Variants in CENPU observed in about 807,000 individuals in gnomAD.
CENPU encodes the protein centromere protein U, also known as KSHV latent nuclear antigen interacting protein 1.
A neutral mutation model predicts 56.7 loss-of-function variants in CENPU; 46 were observed. The observed-to-expected ratio is 0.81, with a 90% CI of 0.64 to 1.04. The LOEUF is 1.04. Ranked by LOEUF, CENPU falls within the 50% of genes least tolerant of loss-of-function variation. The pLI, the probability that CENPU is intolerant of heterozygous loss-of-function variation, is 0.00. For missense variants in CENPU, 510 were observed against 490.1 expected, an observed-to-expected ratio of 1.04 and a Z score of -0.38; for synonymous variants, 166 against 163.0, an observed-to-expected ratio of 1.02 and a Z score of -0.14.
chr4:184,698,614 T>A (rs1760421972), intron 11 of CENPU, among the ~76,000 whole-genome samples: 2 of 152,090 alleles, frequency 1.3e-5, no homozygotes, highest in South Asian at 4.1e-4. Flanking sequence ...CACGCCCGGC[T>A]AAGTTTTGTA....
At chr4:184,704,692 A>C (rs769603488) in intron 8 of CENPU, among the ~76,000 whole-genome samples, 6 of 152,166 alleles carry the variant, frequency 3.9e-5, no homozygotes, top group Non-Finnish European at 7.3e-5. Context: ...ACAAAAGGAC[A>C]AATATTGTAT....
Position 184,694,168 on chromosome 4 carries a change from C to T in CENPU, c.*1120G>A, listed in dbSNP as rs1759877044. On this transcript the variant is annotated 3_prime_UTR_variant, in exon 13 of 13. Coordinates refer to ENST00000281453, the MANE Select transcript of CENPU (RefSeq NM_024629.4). The stretch of plus-strand genomic sequence containing the variant: ...AAAATTTAAAGCATGGGTACTAAGT[C>T]CATTGTCAAGATAGCAAATTTATCT... 1.0e-6 allele frequency: 1 copy of T among 988,928 alleles called. No individual in the cohort carries two copies. Among genetic ancestry groups the T allele is most frequent in the African/African-American group, 1.7e-5 (1 of 58,010 alleles). 61.3% of individuals were successfully genotyped at this position (988,928 alleles called of 1,614,324 possible).
intron 6 of CENPU, among the ~76,000 whole-genome samples, chr4:184,716,091 T>A (rs1311834953): frequency 6.6e-6 from 1 of 151,992 alleles, no homozygotes; most frequent in African/African-American, 2.4e-5. Context: ...CACCACTCCA[T>A]CCAGCTAATT....
At position 184,695,299 on chromosome 4, in the gene CENPU, C is replaced by A; in HGVS notation, c.1246G>T (p.Asp416Tyr). 2 of 1,612,184 alleles carry A rather than the reference C, an allele frequency of 1.2e-6. No homozygotes were observed. The highest frequency in any genetic ancestry group is 2.2e-5 in the South Asian group (2 of 91,000). The change falls in exon 13 of 13, where the codon GAC (aspartate) becomes TAC (tyrosine). Residue 416 changes from aspartate (D) to tyrosine (Y), a missense_variant. Asp to Tyr is a radical substitution (Grantham distance 160). Transcript: ENST00000281453. ...NINHQLEKLL[D>Y]QG Reference sequence around the variant, plus strand: ...GTAGACTGCTCTTCTCATCCCTGGTCAAGGAGCTTCTCTAACTGATGGTTG... The same window carrying A: ...GTAGACTGCTCTTCTCATCCCTGGTAAAGGAGCTTCTCTAACTGATGGTTG...
chr4:184,724,637 G>C (rs571231587), intron 4 of CENPU, among the ~76,000 whole-genome samples: 1 of 152,260 alleles, frequency 6.6e-6, no homozygotes, highest in Non-Finnish European at 1.5e-5. Flanking sequence ...ATTTGTAAAT[G>C]AAAGAGACCT....
intron 8 of CENPU, among the ~76,000 whole-genome samples, chr4:184,703,426 G>A (rs150104982): frequency 0.014 from 2,086 of 152,188 alleles, 58 homozygotes; most frequent in African/African-American, 0.048. Flanking sequence ...AGATCTGGTG[G>A]CCAGGCTCTG....
chr4:184,699,946 C>T (rs1055703621), intron 11 of CENPU, among the ~76,000 whole-genome samples: 8 of 152,186 alleles, frequency 5.3e-5, no homozygotes, highest in African/African-American at 1.7e-4. Context: ...CGTGAGCCAC[C>T]GTGCCCGGCC....
Position 184,703,369 on chromosome 4 carries a change from A to G in CENPU, c.798-928T>C, listed in dbSNP as rs1760608591. Among the ~76,000 whole-genome samples the G allele has an allele frequency of 2.0e-5, 3 of 152,172 alleles. No individual in the cohort carries two copies. The South Asian group carries it at 6.2e-4, about 32-fold the overall frequency. ...AGGTGTTAGTTCTTCAGAAACTATA[A>G]AGCTGACTCAAAGAAACTGCCTCAG... On this transcript the variant is annotated intron_variant, in intron 8 of 12. Transcript: ENST00000281453.
Position 184,695,313 on chromosome 4 carries a change from A to T in CENPU, c.1232T>A (p.Leu411Ter). The T allele has an allele frequency of 6.2e-7, 1 of 1,613,270 alleles. No individual in the cohort carries two copies. Among genetic ancestry groups the T allele is most frequent in the Non-Finnish European group, 8.5e-7 (1 of 1,179,318 alleles). The change falls in exon 13 of 13, where the codon TTA becomes TAA. Residue 411 changes from leucine to a stop codon, truncating the protein, a stop_gained. Transcript: ENST00000281453. LOFTEE classifies it high-confidence loss of function. ...TCATCCCTGGTCAAGGAGCTTCTCT[A>T]ACTGATGGTTGATATTTCGCAGATG... ...ESHLRNINHQLEKLLDQG is the reference protein window; with the variant it reads ...ESHLRNINHQ
intron 12 of CENPU, among the ~76,000 whole-genome samples, chr4:184,696,696 ATAT>A (rs1001591498): frequency 1.4e-5 from 2 of 140,472 alleles, no homozygotes; most frequent in African/African-American, 5.5e-5. Flanking sequence ...ACATATATAT[ATAT>A]TATATAAAAT....
At chr4:184,728,680 A>G (rs1441840859) in intron 3 of CENPU, among the ~76,000 whole-genome samples, 1 of 152,204 alleles carries the variant, frequency 6.6e-6, no homozygotes, top group Non-Finnish European at 1.5e-5. Context: ...AAGCGTCCTC[A>G]TGTGACCAGA....
At chr4:184,707,526 A>ATGT (rs1760768722) in intron 8 of CENPU, among the ~76,000 whole-genome samples, 1 of 152,146 alleles carries the variant, frequency 6.6e-6, no homozygotes, top group Admixed American at 6.5e-5. Context: ...CTGGAGAATG[A>ATGT]TGACCCAGAG....
At chr4:184,712,859 A>C in intron 7 of CENPU, 85 bp downstream of exon 7, 1 of 908,530 alleles carries the variant, frequency 1.1e-6, no homozygotes, top group East Asian at 2.5e-5. Flanking sequence ...CTTACAATTT[A>C]CTACTATAAC....
At chr4:184,725,090 C>T (rs1425179177) in intron 3 of CENPU, 28 bp from the exon 4 acceptor site, 2 of 1,452,966 alleles carry the variant, frequency 1.4e-6, no homozygotes, top group Non-Finnish European at 1.9e-6. Context: ...AGAAGCACAA[C>T]TTTAAAAGTC....
intron 1 of CENPU, 93 bp from the exon 2 acceptor site, chr4:184,731,061 A>G (rs112471673): frequency 2.8e-6 from 2 of 707,094 alleles, no homozygotes; most frequent in Non-Finnish European, 4.2e-6. Context: ...ATTTTTACCA[A>G]AAAAAAAAAC....
chr4:184,713,857 G>C (rs1358147278), intron 6 of CENPU: 1 of 152,224 alleles, frequency 6.6e-6, no homozygotes, highest in African/African-American at 2.4e-5. Context: ...ATCCTACCCA[G>C]CTGAGAGGCA....
chr4:184,717,259 T>G (rs1761126056), intron 4 of CENPU, 63 bp from the exon 5 acceptor site: 1 of 1,218,996 alleles, frequency 8.2e-7, no homozygotes, highest in Non-Finnish European at 1.2e-6. Context: ...ATGTCTTCTC[T>G]AACTTGCTCA....
At chr4:184,733,235 T>C in intron 1 of CENPU, 1 of 842,766 alleles carries the variant, frequency 1.2e-6, no homozygotes, top group Non-Finnish European at 1.4e-6. Flanking sequence ...TGGTCTCGGT[T>C]TCCCCACCCA....
Position 184,697,151 on chromosome 4 carries a change from T to C in CENPU, c.1143+496A>G, listed in dbSNP as rs1300103793. Among the ~76,000 whole-genome samples, 5 of 152,242 alleles carry C rather than the reference T, an allele frequency of 3.3e-5. No individual in the cohort carries two copies. In the East Asian group the frequency reaches 9.7e-4, roughly 29 times the overall value. On this transcript the variant is annotated intron_variant, in intron 12 of 12. Coordinates refer to ENST00000281453, the MANE Select transcript of CENPU (RefSeq NM_024629.4). ...CTTGCCTCAGCCTCCCGAAGTGCTA[T>C]GATTACAGGTGAGAGCTATCACACC...
Sources: gnomAD v4.1 joint callset for allele counts (sites outside exome capture counted in the v4.1 genomes callset) on GRCh38, gnomAD v4.1.1 for gene constraint, MANE v1.5 for transcripts, NCBI Gene and HGNC (gene_info 2026-07-23, HGNC 2026-07-21) for gene names.